The following ADH1A variants were observed in gnomAD, a reference collection of about 807,000 sequenced individuals.
The protein encoded by ADH1A is alcohol dehydrogenase 1A.
ADH1A carries 29 observed loss-of-function variants against 35.2 expected under a neutral mutation model. That is an observed-to-expected ratio of 0.82 (90% confidence interval 0.61 to 1.12). The LOEUF is 1.12. Among genes scored for constraint, ADH1A ranks in the 50% most tolerant of loss-of-function variants. The probability of loss-of-function intolerance (pLI) is 0.00; values close to 1 mark genes in which losing one functional copy is unlikely to be tolerated. For missense variants in ADH1A, 469 were observed against 464.7 expected (o/e 1.01, Z -0.09); for synonymous variants, 147 against 164.8 (o/e 0.89, Z 0.83).
chr4:99,282,146 A>G, intron 6 of ADH1A, 200 bp downstream of exon 6: 1 of 975,304 alleles, frequency 1.0e-6, no homozygotes, highest in Non-Finnish European at 1.5e-6. Context: ...AGGAAATATG[A>G]CTTGAGACAC....
intron 2 of ADH1A, 145 bp downstream of exon 2, chr4:99,287,419 A>T: frequency 3.7e-6 from 3 of 805,934 alleles, no homozygotes; most frequent in Non-Finnish European, 5.6e-6. Flanking sequence ...GCACTTTTTT[A>T]AAATTTAAAA....
intron 8 of ADH1A, 64 bp from the exon 9 acceptor site, chr4:99,276,712 G>C (rs1732877045): frequency 6.8e-7 from 1 of 1,473,536 alleles, no homozygotes; most frequent in African/African-American, 1.4e-5. Context: ...AGAGTCCAAG[G>C]AGCATTTGAA....
At chr4:99,286,589 A>G (rs1242679636) in intron 3 of ADH1A, 3 of 458,094 alleles carry the variant, frequency 6.5e-6, no homozygotes, top group African/African-American at 5.9e-5. Context: ...TTTGATCCTC[A>G]CATATCTCCA....
rs550465223 is a variant in ADH1A, at chr4:99,276,654, A to G, written c.1104-6T>C. 8 of 1,611,232 alleles carry G rather than the reference A, an allele frequency of 5.0e-6. No homozygotes were observed. The South Asian group carries it at 8.8e-5, about 18-fold the overall frequency. On this transcript the variant is annotated splice_region_variant and splice_polypyrimidine_tract_variant and intron_variant, in intron 8 of 8. Coordinates refer to ENST00000209668, the MANE Select transcript of ADH1A (RefSeq NM_000667.4). ...ACATCAGAATGGTACGGATACTGCA[A>G]TAGGAAAGAAGAGACATTGTATTAG...
chr4:99,277,521 A>G (rs1732899303), intron 8 of ADH1A, among the ~76,000 whole-genome samples: 1 of 152,086 alleles, frequency 6.6e-6, no homozygotes, highest in Admixed American at 6.6e-5. Context: ...AGAGAATACA[A>G]GACAGCAGAA....
In ADH1A at chr4:99,286,882, C is replaced by T. The variant is rs61732105; in HGVS notation, c.227G>A (p.Ser76Asn). 9.5e-5 allele frequency: 154 copies of T among 1,614,204 alleles called. No individual in the cohort carries two copies. The highest frequency in any genetic ancestry group is 1.3e-4 in the South Asian group (12 of 91,082). ...GACTGTAGTCACCCCTTCTCCAACA[C>T]TCTCCACGATGCCGGCTGCCTCATG... ...LGHEAAGIVESVGEGVTTVKP... is the reference protein window; with the variant it reads ...LGHEAAGIVENVGEGVTTVKP... The change falls in exon 3 of 9, where the codon AGT becomes AAT. Residue 76 changes from serine (S) to asparagine (N), a missense_variant. Physicochemically the swap from Ser to Asn is conservative, Grantham distance 46. Coordinates refer to ENST00000209668, the MANE Select transcript of ADH1A (RefSeq NM_000667.4).
chr4:99,287,020 A>G (rs750970851), intron 2 of ADH1A, 32 bp from the exon 3 acceptor site: 1 of 1,594,364 alleles, frequency 6.3e-7, no homozygotes, highest in Non-Finnish European at 8.5e-7. Flanking sequence ...TTTATAAAAG[A>G]TTGTGAGTCT....
At chr4:99,284,212 A>T (rs1579492018) in intron 5 of ADH1A, among the ~76,000 whole-genome samples, 187 bp downstream of exon 5, 1 of 152,310 alleles carries the variant, frequency 6.6e-6, no homozygotes, top group South Asian at 2.1e-4. Context: ...ACTCTCAACA[A>T]CTTTTTAATC....
chr4:99,276,853 C>T (rs1206152017), intron 8 of ADH1A, among the ~76,000 whole-genome samples: 1 of 152,152 alleles, frequency 6.6e-6, no homozygotes, highest in Non-Finnish European at 1.5e-5. Context: ...TAAGCTCACT[C>T]ACAACATTCT....
rs532479466 is a variant in ADH1A, at chr4:99,284,803, C to A, written c.260G>T (p.Gly87Val). Residue 87 changes from glycine to valine, a missense_variant and splice_region_variant, in exon 4 of 9, where the codon GGT becomes GTT. Gly to Val is a moderately radical substitution (Grantham distance 109). Coordinates refer to ENST00000209668, the MANE Select transcript of ADH1A (RefSeq NM_000667.4). ...VGEGVTTVKP[G>V]DKVIPLAIPQ... ...AATAGCGAGTGGGATGACTTTATCA[C>A]CTGGAGAGGGATAAAACAAATTCTT... The A allele has an allele frequency of 2.5e-6, 4 of 1,613,702 alleles. No homozygotes were observed. The highest frequency in any genetic ancestry group is 3.4e-6 in the Non-Finnish European group (4 of 1,179,630).
rs988779278 is a variant in ADH1A at position 99,279,576 on chromosome 4, A to G, written c.965-12T>C. On this transcript the variant is annotated splice_polypyrimidine_tract_variant and intron_variant, in intron 7 of 8. Coordinates refer to ENST00000209668, the MANE Select transcript of ADH1A (RefSeq NM_000667.4). ...TTTACTTTTAAAGCCTGAAAAGAAG[A>G]TGGTATCATTGTTAGATTCAACCAG... 1.3e-5 allele frequency: 21 copies of G among 1,605,380 alleles called. No homozygotes were observed. The highest frequency in any genetic ancestry group is 1.6e-5 in the Non-Finnish European group (19 of 1,177,436).
intron 1 of ADH1A, among the ~76,000 whole-genome samples, chr4:99,289,690 A>G (rs931635): frequency 0.82 from 124,374 of 152,136 alleles, 51,177 homozygotes; most frequent in East Asian, 0.91. Flanking sequence ...CTGACAACAA[A>G]CTAAGTTATT....
In ADH1A at chr4:99,287,658, T is replaced by C; in HGVS notation, c.26A>G (p.Lys9Arg). 1 of 1,613,954 alleles carries C rather than the reference T, an allele frequency of 6.2e-7. No homozygotes were observed. Among genetic ancestry groups the C allele is most frequent in the Non-Finnish European group, 8.5e-7 (1 of 1,179,904 alleles). Residue 9 changes from lysine (K) to arginine (R), a missense_variant, in exon 2 of 9, where the codon AAA (lysine) becomes AGA (arginine). Transcript: ENST00000209668. ...CTCCCATAGCACAGCTGCTTTGCAT[T>C]TGATTACCTAGAAAAGCAAACAGAG... is the stretch of plus-strand genomic sequence containing the variant. MSTAGKVIKCKAAVLWELK... is the reference protein window; with the variant it reads MSTAGKVIRCKAAVLWELK...
chr4:99,287,792 A>G, intron 1 of ADH1A, 127 bp from the exon 2 acceptor site: 1 of 958,332 alleles, frequency 1.0e-6, no homozygotes, highest in South Asian at 1.8e-5. Flanking sequence ...CTCTATAGAA[A>G]TGATCACCTC....
At chr4:99,277,022 T>C (rs1356939549) in intron 8 of ADH1A, among the ~76,000 whole-genome samples, 2 of 152,146 alleles carry the variant, frequency 1.3e-5, no homozygotes, top group Non-Finnish European at 1.5e-5. Flanking sequence ...GCATTTTCTG[T>C]CTTAAACTTC....
intron 7 of ADH1A, 79 bp downstream of exon 7, chr4:99,280,065 A>C: frequency 1.3e-6 from 2 of 1,583,576 alleles, no homozygotes; most frequent in East Asian, 4.5e-5. Context: ...TCTGCTTTTC[A>C]AAACCTTGCC....
chr4:99,282,444 G>T lies in ADH1A; in HGVS notation c.730C>A (p.Pro244Thr). ...KELGATECINPQDYKKPIQEV... is the reference protein window; with the variant it reads ...KELGATECINTQDYKKPIQEV... ...TGGATGGGTTTCTTGTAGTCTTGAG[G>T]GTTGATGCATTCAGTGGCACCCAAC... Residue 244 changes from proline to threonine, a missense_variant, in exon 6 of 9, where the codon CCT (proline) becomes ACT (threonine). Coordinates refer to ENST00000209668, the MANE Select transcript of ADH1A (RefSeq NM_000667.4). The T allele has an allele frequency of 6.2e-7, 1 of 1,614,026 alleles. No homozygotes were observed. The highest frequency in any genetic ancestry group is 8.5e-7 in the Non-Finnish European group (1 of 1,179,994).
chr4:99,280,182 A>G lies in ADH1A; in HGVS notation c.926T>C (p.Leu309Pro), dbSNP rs757176265. The G allele has an allele frequency of 1.2e-5, 19 of 1,613,894 alleles. No individual in the cohort carries two copies. The highest frequency in any genetic ancestry group is 1.7e-5 in the Admixed American group (1 of 59,994). The change falls in exon 7 of 9, where the codon CTA becomes CCA. Residue 309 changes from leucine (L) to proline (P), a missense_variant. By Grantham distance (98) the Leu-to-Pro change is moderately conservative. Coordinates refer to ENST00000209668, the MANE Select transcript of ADH1A (RefSeq NM_000667.4). ...SQNLSMNPML[L>P]LTGRTWKGAI... ...TCCCTTCCAGGTACGTCCAGTCAGT[A>G]GCAGCATAGGGTTCATTGAGAGGTT...
At position 99,276,600 on chromosome 4, in the gene ADH1A, A is replaced by G; in HGVS notation, c.*24T>C. On this transcript the variant is annotated 3_prime_UTR_variant, in exon 9 of 9. Transcript: ENST00000209668. ...AGGGTAGAGGAGGCTGAAGACTGCCACAAGGGAAAACATCTGTATTGTCTC... is the reference window on the plus strand; with the variant it reads ...AGGGTAGAGGAGGCTGAAGACTGCCGCAAGGGAAAACATCTGTATTGTCTC... 1 of 1,606,176 alleles carries G rather than the reference A, an allele frequency of 6.2e-7. No homozygotes were observed. Among genetic ancestry groups the G allele is most frequent in the South Asian group, 1.1e-5 (1 of 90,904 alleles).
Sources: allele counts gnomAD v4.1 joint callset (sites outside exome capture counted in the v4.1 genomes callset), GRCh38; gene constraint gnomAD v4.1.1; transcripts MANE v1.5; gene names NCBI Gene and HGNC (gene_info 2026-07-23, HGNC 2026-07-21).